The following PIK3AP1 variants were observed in gnomAD, a reference collection of about 807,000 sequenced individuals.
PIK3AP1 encodes the protein phosphoinositide 3-kinase adapter protein 1.
A neutral mutation model predicts 88.1 loss-of-function variants in PIK3AP1; 21 were observed. The observed-to-expected ratio is 0.24, with a 90% confidence interval of 0.17 to 0.34. The LOEUF is 0.34. Ranked by LOEUF, PIK3AP1 falls within the 10% of genes least tolerant of loss-of-function variation. The pLI, the probability that PIK3AP1 is intolerant of heterozygous loss-of-function variation, is 1.00. For synonymous variants in PIK3AP1, 398 were observed against 400.0 expected, an observed-to-expected ratio of 1.00 and a Z score of 0.06; for missense variants, 828 against 1,035.7, an observed-to-expected ratio of 0.80 and a Z score of 2.75.
chr10:96,696,513 A>G (rs1844223548), intron 2 of PIK3AP1, among the ~76,000 whole-genome samples: 1 of 152,230 alleles, frequency 6.6e-6, no homozygotes, highest in African/African-American at 2.4e-5. Flanking sequence ...ACTCTGGGTC[A>G]TGTGAATGGC....
intron 14 of PIK3AP1, among the ~76,000 whole-genome samples, chr10:96,605,929 CA>C (rs1448625725): frequency 1.3e-5 from 2 of 152,068 alleles, no homozygotes; most frequent in Admixed American, 6.5e-5. Flanking sequence ...ACTAAAAATA[CA>C]AAAATTAGCT....
chr10:96,623,361 C>A, intron 11 of PIK3AP1, 111 bp downstream of exon 11: 3 of 1,089,132 alleles, frequency 2.8e-6, no homozygotes, highest in East Asian at 4.9e-5. Flanking sequence ...TGATGCCTGG[C>A]CTAGATCCCT....
At chr10:96,610,680 G>A (rs898391703) in intron 13 of PIK3AP1, among the ~76,000 whole-genome samples, 1 of 152,224 alleles carries the variant, frequency 6.6e-6, no homozygotes, top group African/African-American at 2.4e-5. Context: ...GTCGAGCAAA[G>A]CACTGACCTG....
intron 8 of PIK3AP1, among the ~76,000 whole-genome samples, chr10:96,643,094 G>C (rs568011109): frequency 6.6e-6 from 1 of 152,252 alleles, no homozygotes; most frequent in South Asian, 2.1e-4. Flanking sequence ...ATCAGTAACC[G>C]AAATGTACTA....
At chr10:96,611,970 T>C (rs1441513069) in intron 13 of PIK3AP1, among the ~76,000 whole-genome samples, 1 of 152,244 alleles carries the variant, frequency 6.6e-6, no homozygotes, top group African/African-American at 2.4e-5. Context: ...ATGCTAGGAA[T>C]AGTTATCATG....
At chr10:96,654,410 G>T (rs971927347) in intron 3 of PIK3AP1, among the ~76,000 whole-genome samples, 22 of 152,246 alleles carry the variant, frequency 1.4e-4, no homozygotes, top group African/African-American at 5.3e-4. Context: ...CATGACAAGG[G>T]CCATGAGAGG....
intron 2 of PIK3AP1, among the ~76,000 whole-genome samples, chr10:96,699,795 G>A (rs552364983): frequency 1.1e-4 from 17 of 152,306 alleles, no homozygotes; most frequent in Non-Finnish European, 2.2e-4. Context: ...GAACCTGCCT[G>A]GGCCTTGTTT....
At chr10:96,692,328 C>G (rs937010026) in intron 2 of PIK3AP1, among the ~76,000 whole-genome samples, 1 of 152,148 alleles carries the variant, frequency 6.6e-6, no homozygotes, top group African/African-American at 2.4e-5. Context: ...GTAATCCCAG[C>G]GCTTTGGGAG....
intron 3 of PIK3AP1, among the ~76,000 whole-genome samples, chr10:96,655,960 G>A (rs1359750385): frequency 1.3e-5 from 2 of 152,160 alleles, no homozygotes; most frequent in Non-Finnish European, 2.9e-5. Context: ...GAAACAGTTG[G>A]CAACCCCACG....
chr10:96,624,206 G>A (rs1356421545), intron 10 of PIK3AP1, among the ~76,000 whole-genome samples: 1 of 152,222 alleles, frequency 6.6e-6, no homozygotes, highest in Non-Finnish European at 1.5e-5. Flanking sequence ...TTCACTGGTT[G>A]TGATGAAGAT....
chr10:96,686,973 C>A (rs7093731), intron 2 of PIK3AP1, among the ~76,000 whole-genome samples: 1 of 152,134 alleles, frequency 6.6e-6, no homozygotes, highest in Non-Finnish European at 1.5e-5. Flanking sequence ...AGAAACTGAT[C>A]TCTTGATCTC....
chr10:96,625,043 G>A (rs902702185), intron 10 of PIK3AP1, among the ~76,000 whole-genome samples: 2 of 152,200 alleles, frequency 1.3e-5, no homozygotes, highest in African/African-American at 2.4e-5. Context: ...GAGGTGAGAC[G>A]GGGAAGCGGA....
intron 9 of PIK3AP1, 63 bp from the exon 10 acceptor site, chr10:96,626,968 T>C: frequency 2.1e-6 from 3 of 1,462,818 alleles, no homozygotes; most frequent in Non-Finnish European, 2.9e-6. Flanking sequence ...TCATCAGTCA[T>C]AAAGCAGAGT....
chr10:96,630,556 C>T (rs1055973475), intron 8 of PIK3AP1, among the ~76,000 whole-genome samples: 1 of 151,916 alleles, frequency 6.6e-6, no homozygotes, highest in African/African-American at 2.4e-5. Flanking sequence ...AACTGGAGGC[C>T]GGGCACAGGG....
chr10:96,702,492 C>T (rs1466751745), intron 2 of PIK3AP1, among the ~76,000 whole-genome samples: 4 of 145,242 alleles, frequency 2.8e-5, no homozygotes, highest in Admixed American at 1.4e-4. Context: ...AGCAAGACTT[C>T]GTCTCAAAAA....
chr10:96,712,722 G>A (rs1056504595), intron 1 of PIK3AP1, among the ~76,000 whole-genome samples: 2 of 152,190 alleles, frequency 1.3e-5, no homozygotes, highest in East Asian at 3.9e-4. Flanking sequence ...GCAGATGTGC[G>A]TGCATGGGCA....
At chr10:96,662,888 CAAAAAAA>C (rs749898725) in intron 2 of PIK3AP1, among the ~76,000 whole-genome samples, 8 of 22,574 alleles carry the variant, frequency 3.5e-4, no homozygotes, top group East Asian at 2.9e-3. Context: ...GACTCCGTCT[CAAAAAAA>C]AAAAAAAAAA....
At position 96,652,764 on chromosome 10, in the gene PIK3AP1, C is replaced by G; in HGVS notation, c.646G>C (p.Asp216His). ...VATEAEFSPE[D>H]SPSVRMEAKV... ...GCTTCCATCCTTACAGAGGGAGAAT[C>G]CTCAGGAGAAAACTCTGCTTCTGTC... Residue 216 changes from aspartate to histidine, a missense_variant, in exon 4 of 17, where the codon GAT becomes CAT. Physicochemically the swap from Asp to His is moderately conservative, Grantham distance 81. This residue lies in a region of PIK3AP1 where 610 missense variants were observed against 760.1 expected (regional missense o/e 0.80). Transcript: ENST00000339364. 13 of 1,614,080 alleles carry G rather than the reference C, an allele frequency of 8.1e-6. No individual in the cohort carries two copies. Among genetic ancestry groups the G allele is most frequent in the South Asian group, 1.1e-5 (1 of 91,072 alleles).
chr10:96,665,162 A>G (rs562017463), intron 2 of PIK3AP1, among the ~76,000 whole-genome samples: 12 of 152,322 alleles, frequency 7.9e-5, no homozygotes, highest in Admixed American at 3.3e-4. Context: ...AAATTTCACA[A>G]TATCCTCTCA....
Sources: allele counts gnomAD v4.1 joint callset (sites outside exome capture counted in the v4.1 genomes callset), GRCh38; gene constraint gnomAD v4.1.1; regional missense constraint gnomAD v4.1.1; transcripts MANE v1.5; gene names NCBI Gene and HGNC (gene_info 2026-07-23, HGNC 2026-07-21).